PLA2R1: variants seen among roughly 807,000 people sequenced by gnomAD.
PLA2R1 encodes secretory phospholipase A2 receptor.
PLA2R1 carries 158 observed loss-of-function variants against 195.9 expected under a neutral mutation model. The observed-to-expected ratio is 0.81, with a 90% CI of 0.71 to 0.92. The LOEUF is 0.92. Ranked by LOEUF, PLA2R1 falls within the 40% of genes least tolerant of loss-of-function variation. PLA2R1 has a pLI of 0.00. For synonymous variants in PLA2R1, 586 were observed against 598.2 expected, an observed-to-expected ratio of 0.98 and a Z score of 0.30; for missense variants, 1,626 against 1,764.6, an observed-to-expected ratio of 0.92 and a Z score of 1.41.
downstream of PLA2R1, among the ~76,000 whole-genome samples, chr2:159,930,457 T>C (rs1372452872): frequency 6.6e-6 from 1 of 150,394 alleles, no homozygotes; most frequent in African/African-American, 2.4e-5. Context: ...ACTGCTTGCA[T>C]GATGGGTGCA....
chr2:160,060,098 A>G (rs1430650990), intron 1 of PLA2R1, among the ~76,000 whole-genome samples: 3 of 152,240 alleles, frequency 2.0e-5, no homozygotes, highest in Non-Finnish European at 2.9e-5. Context: ...CAAATAATAC[A>G]TATCAAACAA....
At chr2:159,994,144 CA>C (rs569048899) in intron 11 of PLA2R1, among the ~76,000 whole-genome samples, 238 of 138,276 alleles carry the variant, frequency 1.7e-3, no homozygotes, top group African/African-American at 5.4e-3. Flanking sequence ...AGTGATCTTT[CA>C]AAAAAAAAAA....
At position 159,983,960 on chromosome 2, in the gene PLA2R1, A is replaced by G. The variant is rs1400846261; in HGVS notation, c.2151T>C (p.Phe717=). ...ASFAHIEEEN[F]VNELLHSKFN... is the part of the protein sequence containing the mutation. ...ATTTTGAATGTAAGAGCTCATTCAC[A>G]AAATTCTCTTCCTCAATATGGGCAA... The change falls in exon 13 of 30, where the codon TTT becomes TTC. Residue 717 remains phenylalanine, a synonymous_variant. Coordinates refer to ENST00000283243, the MANE Select transcript of PLA2R1 (RefSeq NM_007366.5). 1.9e-6 allele frequency: 3 copies of G among 1,593,868 alleles called. No individual in the cohort carries two copies. The African/African-American group carries it at 4.0e-5, about 21-fold the overall frequency.
At chr2:160,056,639 C>T (rs1695567216) in intron 1 of PLA2R1, among the ~76,000 whole-genome samples, 1 of 152,198 alleles carries the variant, frequency 6.6e-6, no homozygotes, top group Non-Finnish European at 1.5e-5. Context: ...TGAACCCAAA[C>T]TTTCTGCTCC....
At position 160,062,485 on chromosome 2, in the gene PLA2R1, G is replaced by T. The variant is rs1387564119; in HGVS notation, c.-82C>A. On this transcript the variant is annotated 5_prime_UTR_variant, in exon 1 of 30. Coordinates refer to ENST00000283243, the MANE Select transcript of PLA2R1 (RefSeq NM_007366.5). Reference sequence around the variant, plus strand: ...GCCCAGAGCCGCGTCCCAAGCACCCGGCCCCGCCGCGCGGAAGCGGATCCG... The same window carrying T: ...GCCCAGAGCCGCGTCCCAAGCACCCTGCCCCGCCGCGCGGAAGCGGATCCG... The T allele has an allele frequency of 2.8e-5, 40 of 1,437,166 alleles. No homozygotes were observed. Among genetic ancestry groups the T allele is most frequent in the Non-Finnish European group, 3.6e-5 (40 of 1,099,746 alleles). 89.0% of individuals were successfully genotyped at this position (1,437,166 alleles called of 1,614,324 possible). A position where few individuals can be genotyped will look rare whatever the true frequency, so the allele number is the denominator to read the frequency against.
Position 159,951,554 on chromosome 2 carries a change from G to A in PLA2R1, c.3326C>T (p.Thr1109Ile), listed in dbSNP as rs1479750284. The A allele has an allele frequency of 2.5e-6, 4 of 1,574,482 alleles. No homozygotes were observed. The highest frequency in any genetic ancestry group is 4.5e-5 in the East Asian group (2 of 44,752). ...MQDTSGHGVN[T>I]SDMYPMPNTL... ...ATTGGGCATTGGATACATATCAGATGTATTTACACCGTGTCCAGAAGTATC... is the reference window on the plus strand; with the variant it reads ...ATTGGGCATTGGATACATATCAGATATATTTACACCGTGTCCAGAAGTATC... Residue 1109 changes from threonine (T) to isoleucine (I), a missense_variant, in exon 24 of 30, where the codon ACA becomes ATA. Transcript: ENST00000283243.
chr2:159,956,610 G>T lies in PLA2R1; in HGVS notation c.2922C>A (p.Ile974=). 1.2e-6 allele frequency: 2 copies of T among 1,606,412 alleles called. No individual in the cohort carries two copies. Among genetic ancestry groups the T allele is most frequent in the South Asian group, 1.1e-5 (1 of 90,880 alleles). Residue 974 remains isoleucine, a synonymous_variant, in exon 21 of 30, where the codon ATC becomes ATA. Transcript: ENST00000283243. ...TCTTCCAACTGCTTGGGTCTTTGGG[G>T]ATATTCAGCAGAAGGCACTATCAAA... The part of the protein sequence containing the change: ...YFNYKCLLLN[I]PKDPSSWKNW...
chr2:159,982,520 G>A (rs1457652942), intron 13 of PLA2R1, among the ~76,000 whole-genome samples: 1 of 152,166 alleles, frequency 6.6e-6, no homozygotes, highest in Admixed American at 6.5e-5. Context: ...CCTTTACGAT[G>A]CTAATGTACA....
chr2:160,002,546 A>G (rs1691674481), intron 11 of PLA2R1, among the ~76,000 whole-genome samples: 1 of 151,996 alleles, frequency 6.6e-6, no homozygotes, highest in Non-Finnish European at 1.5e-5. Flanking sequence ...AAGGTTGCTA[A>G]AATCATAAAC....
chr2:160,034,637 A>G (rs1178221402), intron 3 of PLA2R1, among the ~76,000 whole-genome samples: 2 of 152,212 alleles, frequency 1.3e-5, no homozygotes, highest in African/African-American at 2.4e-5. Flanking sequence ...TTTGGCATGC[A>G]TAAGAATCAT....
intron 3 of PLA2R1, 62 bp downstream of exon 3, chr2:160,041,963 A>T: frequency 1.5e-6 from 2 of 1,322,380 alleles, no homozygotes; most frequent in Non-Finnish European, 2.1e-6. Context: ...TTAGATACAG[A>T]TAACTTTCTA....
At chr2:160,008,132 T>C (rs887245517) in intron 10 of PLA2R1, among the ~76,000 whole-genome samples, 2 of 152,064 alleles carry the variant, frequency 1.3e-5, no homozygotes, top group African/African-American at 4.8e-5. Context: ...TGAGATCCTG[T>C]CACTACAAAA....
At chr2:159,982,662 G>A (rs1690038135) in intron 13 of PLA2R1, among the ~76,000 whole-genome samples, 2 of 152,166 alleles carry the variant, frequency 1.3e-5, no homozygotes, top group Admixed American at 1.3e-4. Context: ...GGTCATTGCT[G>A]TAGATGTGGA....
intron 1 of PLA2R1, among the ~76,000 whole-genome samples, chr2:160,057,363 A>G (rs1297485017): frequency 6.6e-6 from 1 of 152,126 alleles, no homozygotes; most frequent in Non-Finnish European, 1.5e-5. Flanking sequence ...TCCTGGGACC[A>G]TTACAACCAA....
Position 159,955,230 on chromosome 2 carries a change from T to C in PLA2R1, c.3270A>G (p.Glu1090=), listed in dbSNP as rs1240920281. The C allele has an allele frequency of 1.9e-6, 3 of 1,610,592 alleles. No individual in the cohort carries two copies. Among genetic ancestry groups the C allele is most frequent in the Admixed American group, 1.7e-5 (1 of 59,486 alleles). Residue 1090 remains glutamate, a synonymous_variant, in exon 23 of 30, where the codon GAA becomes GAG. Transcript: ENST00000283243. The part of the protein sequence containing the change: ...GKWYFEDCGK[E]GYGFVCEKMQ... ...TTTTTTCACAAACAAACCCATAGCC[T>C]TCCTTTCCACAGTCTTCAAAATACC...
chr2:159,978,771 ATCTCTTCCTAC>A (rs1689746509), intron 14 of PLA2R1, among the ~76,000 whole-genome samples: 1 of 152,118 alleles, frequency 6.6e-6, no homozygotes, highest in Non-Finnish European at 1.5e-5. Context: ...GACCTTTAAA[ATCTCTTCCTAC>A]TCTCTTCTAT....
At chr2:160,036,779 A>T (rs1694187046) in intron 3 of PLA2R1, among the ~76,000 whole-genome samples, 1 of 152,178 alleles carries the variant, frequency 6.6e-6, no homozygotes, top group South Asian at 2.1e-4. Context: ...GAATCTATAC[A>T]ACTGAAAAGC....
intron 28 of PLA2R1, among the ~76,000 whole-genome samples, chr2:159,943,532 G>A (rs769052675): frequency 5.3e-5 from 8 of 152,074 alleles, no homozygotes; most frequent in African/African-American, 1.4e-4. Flanking sequence ...AGCAGTGGGC[G>A]GCATGGAAAG....
Position 159,935,497 on chromosome 2 carries a change from T to C in PLA2R1, c.*6281A>G, listed in dbSNP as rs900953079. 4 of 152,226 alleles carry C rather than the reference T, an allele frequency of 2.6e-5. No individual in the cohort carries two copies. Among genetic ancestry groups the C allele is most frequent in the Non-Finnish European group, 5.9e-5 (4 of 68,020 alleles). 9.4% of individuals were successfully genotyped at this position (152,226 alleles called of 1,614,324 possible). A position where few individuals can be genotyped will look rare whatever the true frequency, so the allele number is the denominator to read the frequency against. On this transcript the variant is annotated 3_prime_UTR_variant, in exon 30 of 30. Coordinates refer to ENST00000283243, the MANE Select transcript of PLA2R1 (RefSeq NM_007366.5). The stretch of plus-strand genomic sequence containing the variant: ...TTACATCAGTATGGACACACAGATA[T>C]TTATTGTGTGGGTTATAATCCAATA...
Sources: gnomAD v4.1 joint callset for allele counts (sites outside exome capture counted in the v4.1 genomes callset) on GRCh38, gnomAD v4.1.1 for gene constraint, MANE v1.5 for transcripts, NCBI Gene and HGNC (gene_info 2026-07-23, HGNC 2026-07-21) for gene names.